Variants in FGGY observed in about 807,000 individuals in gnomAD.
FGGY encodes FGGY carbohydrate kinase domain containing, also known as FGGY carbohydrate kinase domain-containing protein.
FGGY carries 72 observed loss-of-function variants against 71.3 expected under a neutral mutation model. The observed-to-expected ratio is 1.01, with a 90% confidence interval of 0.84 to 1.23. The LOEUF (loss-of-function observed/expected upper bound fraction) is 1.23, where lower values mean the gene tolerates loss of function less well. FGGY is among the 50% of genes most tolerant of loss of function. The probability of loss-of-function intolerance (pLI) is 0.00; values close to 1 mark genes in which losing one functional copy is unlikely to be tolerated. For synonymous variants in FGGY, 251 were observed against 250.3 expected (o/e 1.00, Z -0.02); for missense variants, 668 against 682.3 (o/e 0.98, Z 0.23).
At position 59,626,048 on chromosome 1, in the gene FGGY, A is replaced by G. The variant is rs758053830; in HGVS notation, c.1072A>G (p.Arg358Gly). 6.2e-7 allele frequency: 1 copy of G among 1,613,006 alleles called. No homozygotes were observed. The highest frequency in any genetic ancestry group is 1.1e-5 in the South Asian group (1 of 90,818). ...AGAACTACAAGTAAAGGCCACAGCC[A>G]GGTAACTGCTGTCTCTGTTCCCTCT... ...FPELQVKATA[R>G]CQSIYAYLNS... Residue 358 changes from arginine (R) to glycine (G), a missense_variant and splice_region_variant, in exon 10 of 16, where the codon AGA becomes GGA. Physicochemically the swap from Arg to Gly is moderately radical, Grantham distance 125 (BLOSUM62 -2). Around this residue, in one of 2 missense-constraint regions of FGGY, gnomAD observed 661 missense variants for 661.6 expected, o/e 1.00. Coordinates refer to ENST00000303721, the MANE Select transcript of FGGY (RefSeq NM_018291.5).
rs867231618 is a variant in FGGY, at chr1:59,761,313, A to G, written c.1575-1190A>G. Among the ~76,000 whole-genome samples the G allele has an allele frequency of 1.3e-4, 20 of 152,302 alleles. No homozygotes were observed. In the Middle Eastern group the frequency reaches 0.014, roughly 104 times the overall value. On this transcript the variant is annotated intron_variant, in intron 15 of 15. Coordinates refer to ENST00000303721, the MANE Select transcript of FGGY (RefSeq NM_018291.5). ...ACGTTACCAGAATGCTTACAGTCTA[A>G]TAAATATTGGGTAGGGGACTCCTAC...
chr1:59,698,303 T>C (rs1342149152), intron 14 of FGGY, among the ~76,000 whole-genome samples: 2 of 152,218 alleles, frequency 1.3e-5, no homozygotes, highest in East Asian at 3.8e-4. Flanking sequence ...AACTCTATTA[T>C]GATACTTGGT....
intron 14 of FGGY, among the ~76,000 whole-genome samples, chr1:59,749,250 C>T (rs1202383430): frequency 3.3e-5 from 5 of 152,110 alleles, no homozygotes; most frequent in African/African-American, 9.7e-5. Context: ...CTCCATAAGC[C>T]GATTCTAGCA....
chr1:59,299,858 A>C (rs1215555386), intron 1 of FGGY, among the ~76,000 whole-genome samples: 5 of 152,194 alleles, frequency 3.3e-5, no homozygotes, highest in Non-Finnish European at 7.4e-5. Flanking sequence ...ATGGCAGAGC[A>C]GGAAATCGGA....
At chr1:59,523,327 C>T (rs1412880879) in intron 7 of FGGY, among the ~76,000 whole-genome samples, 1 of 152,218 alleles carries the variant, frequency 6.6e-6, no homozygotes, top group Non-Finnish European at 1.5e-5. Context: ...CTAATGTTTA[C>T]TTTGGGTCTT....
intron 2 of FGGY, among the ~76,000 whole-genome samples, chr1:59,328,794 C>T (rs1477177559): frequency 6.6e-6 from 1 of 151,736 alleles, no homozygotes; most frequent in Non-Finnish European, 1.5e-5. Flanking sequence ...AAAGTTGTGT[C>T]TCGGGGGTAG....
chr1:59,418,575 C>G (rs541350497), intron 5 of FGGY, among the ~76,000 whole-genome samples: 9 of 152,192 alleles, frequency 5.9e-5, no homozygotes, highest in African/African-American at 2.2e-4. Flanking sequence ...CTCACCAAAT[C>G]CACAGTTTAC....
At chr1:59,432,840 G>A (rs1225757861) in intron 5 of FGGY, among the ~76,000 whole-genome samples, 1 of 152,212 alleles carries the variant, frequency 6.6e-6, no homozygotes, top group Admixed American at 6.5e-5. Flanking sequence ...GAAAGGCTAA[G>A]TGACATGCCT....
chr1:59,316,855 G>A (rs1428678089), intron 1 of FGGY, among the ~76,000 whole-genome samples: 3 of 152,102 alleles, frequency 2.0e-5, no homozygotes, highest in Non-Finnish European at 1.5e-5. Context: ...TCCACAGTCC[G>A]TGCCCTCATT....
intron 14 of FGGY, among the ~76,000 whole-genome samples, chr1:59,692,656 G>A (rs1212798305): frequency 6.6e-6 from 1 of 152,068 alleles, no homozygotes; most frequent in Non-Finnish European, 1.5e-5. Context: ...AAAAAGTTGG[G>A]GGAGAAACTT....
At chr1:59,712,139 G>C (rs2097799034) in intron 14 of FGGY, among the ~76,000 whole-genome samples, 1 of 151,980 alleles carries the variant, frequency 6.6e-6, no homozygotes, top group South Asian at 2.1e-4. Context: ...CAAAACAAAG[G>C]GTCTACAGGC....
At chr1:59,477,342 C>T (rs1217061146) in intron 6 of FGGY, among the ~76,000 whole-genome samples, 1 of 152,036 alleles carries the variant, frequency 6.6e-6, no homozygotes, top group Non-Finnish European at 1.5e-5. Flanking sequence ...TTTAAGTTTC[C>T]CAGCACCAGC....
At chr1:59,739,454 G>T (rs114822099) in intron 14 of FGGY, among the ~76,000 whole-genome samples, 1 of 152,138 alleles carries the variant, frequency 6.6e-6, no homozygotes, top group African/African-American at 2.4e-5. Context: ...TCTCCCAAGC[G>T]CAGAAACTGG....
chr1:59,580,320 G>A (rs2096168219), intron 8 of FGGY, among the ~76,000 whole-genome samples: 1 of 152,066 alleles, frequency 6.6e-6, no homozygotes, highest in Non-Finnish European at 1.5e-5. Context: ...CAAATGGAGG[G>A]TGCTTCCTAA....
chr1:59,660,751 G>C (rs1448215998), intron 12 of FGGY, among the ~76,000 whole-genome samples: 1 of 152,192 alleles, frequency 6.6e-6, no homozygotes, highest in Non-Finnish European at 1.5e-5. Context: ...GCTTAAGTGA[G>C]GTTAGGATGA....
intron 14 of FGGY, among the ~76,000 whole-genome samples, chr1:59,689,038 C>A (rs899712000): frequency 5.3e-5 from 8 of 152,204 alleles, no homozygotes; most frequent in Admixed American, 4.6e-4. Flanking sequence ...GCGTGAGCCA[C>A]CTCGTCTGGC....
intron 11 of FGGY, among the ~76,000 whole-genome samples, chr1:59,653,657 C>T (rs575772111): frequency 6.6e-6 from 1 of 152,348 alleles, no homozygotes; most frequent in African/African-American, 2.4e-5. Flanking sequence ...CTGTCTGGGA[C>T]TCCCTAGTGA....
chr1:59,299,320 G>A (rs554587764), intron 1 of FGGY, among the ~76,000 whole-genome samples: 1 of 152,220 alleles, frequency 6.6e-6, no homozygotes. Context: ...GAGGGTGAAG[G>A]CCAGGTCAGG....
intron 5 of FGGY, among the ~76,000 whole-genome samples, chr1:59,391,381 G>A (rs1160804148): frequency 3.3e-5 from 5 of 152,150 alleles, no homozygotes; most frequent in African/African-American, 1.2e-4. Context: ...GAGGAAGTAG[G>A]AGGTGCTAAC....
Sources: allele counts gnomAD v4.1 joint callset (sites outside exome capture counted in the v4.1 genomes callset), GRCh38; gene constraint gnomAD v4.1.1; regional missense constraint gnomAD v4.1.1; transcripts MANE v1.5; gene names NCBI Gene and HGNC (gene_info 2026-07-23, HGNC 2026-07-21).